Variants in ZCCHC7 observed in about 807,000 individuals in gnomAD.
ZCCHC7 encodes zinc finger CCHC domain-containing protein 7.
Under a neutral mutation model 52.0 loss-of-function variants are expected in ZCCHC7, and 35 were observed. The ratio of observed to expected loss-of-function variants is 0.67; its 90% CI spans 0.51 to 0.89. The LOEUF (loss-of-function observed/expected upper bound fraction) is 0.89. Among genes scored for constraint, ZCCHC7 ranks in the 40% least tolerant of loss-of-function variants. The pLI is 0.00. For missense variants in ZCCHC7, 574 were observed against 649.1 expected (o/e 0.88, Z 1.26); for synonymous variants, 217 against 221.5 (o/e 0.98, Z 0.18).
chr9:37,260,219 T>A (rs1367234612), intron 2 of ZCCHC7, among the ~76,000 whole-genome samples: 2 of 152,218 alleles, frequency 1.3e-5, no homozygotes, highest in Non-Finnish European at 2.9e-5. Context: ...ACTTTGGCTT[T>A]CCACTGTATA....
chr9:37,128,375 G>A (rs746754835), intron 2 of ZCCHC7, among the ~76,000 whole-genome samples: 1 of 152,146 alleles, frequency 6.6e-6, no homozygotes, highest in Non-Finnish European at 1.5e-5. Flanking sequence ...GAGAGGGCGG[G>A]GGATAATTGG....
At chr9:37,207,516 T>C (rs1426180293) in intron 2 of ZCCHC7, among the ~76,000 whole-genome samples, 1 of 99,304 alleles carries the variant, frequency 1.0e-5, no homozygotes, top group Non-Finnish European at 2.1e-5. Context: ...TTTTTTTTTT[T>C]GCCTTGTGTT....
intron 5 of ZCCHC7, among the ~76,000 whole-genome samples, chr9:37,307,503 C>CT (rs1829383521): frequency 6.6e-6 from 1 of 152,084 alleles, no homozygotes; most frequent in Non-Finnish European, 1.5e-5. Flanking sequence ...CTCTCATTCT[C>CT]TTTTTTAAAG....
intron 6 of ZCCHC7, among the ~76,000 whole-genome samples, chr9:37,329,286 G>A (rs1830364008): frequency 6.6e-6 from 1 of 151,598 alleles, no homozygotes; most frequent in African/African-American, 2.4e-5. Context: ...TATACCTATA[G>A]TTAAAGGGTA....
intron 2 of ZCCHC7, among the ~76,000 whole-genome samples, chr9:37,220,386 T>TA (rs1171079712): frequency 3.3e-5 from 5 of 151,862 alleles, no homozygotes. Flanking sequence ...ACCAAAAATA[T>TA]AAAAAATTAG....
At chr9:37,198,135 A>G (rs973883348) in intron 2 of ZCCHC7, among the ~76,000 whole-genome samples, 4 of 152,130 alleles carry the variant, frequency 2.6e-5, no homozygotes, top group African/African-American at 7.2e-5. Context: ...TACTTGTCCT[A>G]GAATCTGTGG....
chr9:37,236,829 C>T (rs1825675921), intron 2 of ZCCHC7, among the ~76,000 whole-genome samples: 2 of 152,178 alleles, frequency 1.3e-5, no homozygotes, highest in Non-Finnish European at 2.9e-5. Context: ...ATCATTTTAT[C>T]AGTTTCACTC....
chr9:37,194,664 T>C (rs1482177564), intron 2 of ZCCHC7, among the ~76,000 whole-genome samples: 1 of 152,214 alleles, frequency 6.6e-6, no homozygotes, highest in Non-Finnish European at 1.5e-5. Context: ...GTTGTCCTGG[T>C]TAACTTCAGG....
At chr9:37,196,652 GA>G in intron 2 of ZCCHC7, among the ~76,000 whole-genome samples, 1 of 152,078 alleles carries the variant, frequency 6.6e-6, no homozygotes, top group East Asian at 1.9e-4. Flanking sequence ...GTAGTAATCA[GA>G]TTTAGCAGAT....
At chr9:37,195,592 G>A (rs1173149994) in intron 2 of ZCCHC7, among the ~76,000 whole-genome samples, 1 of 152,126 alleles carries the variant, frequency 6.6e-6, no homozygotes, top group Non-Finnish European at 1.5e-5. Context: ...GAATCCTGGA[G>A]AATCTGGTAA....
At chr9:37,254,019 G>C (rs1044042904) in intron 2 of ZCCHC7, among the ~76,000 whole-genome samples, 27 of 151,762 alleles carry the variant, frequency 1.8e-4, no homozygotes, top group Non-Finnish European at 3.7e-4. Context: ...TATTATGTTA[G>C]TAATAGTAAT....
At chr9:37,205,467 C>T (rs1342619879) in intron 2 of ZCCHC7, 1 of 153,000 alleles carries the variant, frequency 6.5e-6, no homozygotes, top group Non-Finnish European at 1.5e-5. Context: ...TATTTCACAG[C>T]TTAGATGTGT....
At chr9:37,167,031 C>A (rs1472127587) in intron 2 of ZCCHC7, among the ~76,000 whole-genome samples, 4 of 152,036 alleles carry the variant, frequency 2.6e-5, no homozygotes, top group African/African-American at 4.8e-5. Context: ...TGGAAAATTT[C>A]AAAAAATTTC....
chr9:37,337,877 C>A (rs1190674911), intron 6 of ZCCHC7, among the ~76,000 whole-genome samples: 1 of 152,032 alleles, frequency 6.6e-6, no homozygotes, highest in East Asian at 1.9e-4. Context: ...AAGAAGGAAG[C>A]CTTTGCTAAC....
intron 5 of ZCCHC7, among the ~76,000 whole-genome samples, chr9:37,324,909 G>A (rs1173064376): frequency 6.6e-6 from 1 of 152,124 alleles, no homozygotes; most frequent in Non-Finnish European, 1.5e-5. Flanking sequence ...CTGCTGTCAG[G>A]GGCTGTTTAA....
chr9:37,266,642 G>A (rs1827118392), intron 2 of ZCCHC7, among the ~76,000 whole-genome samples: 1 of 152,160 alleles, frequency 6.6e-6, no homozygotes, highest in South Asian at 2.1e-4. Flanking sequence ...GGGAGGCTGA[G>A]GTGGGAGGAT....
Position 37,261,268 on chromosome 9 carries a change from T to G in ZCCHC7, c.611-40920T>G, listed in dbSNP as rs79235027. Among the ~76,000 whole-genome samples the G allele has an allele frequency of 2.0e-5, 3 of 152,226 alleles. No homozygotes were observed. The South Asian group carries it at 6.2e-4, about 32-fold the overall frequency. On this transcript the variant is annotated intron_variant, in intron 2 of 8. Transcript: ENST00000336755. ...TAGAGGAAGTTTCTCTAACTAAATG[T>G]CTTTTGTCCTCTGTAAAATGGACAA...
intron 7 of ZCCHC7, among the ~76,000 whole-genome samples, chr9:37,352,030 A>G (rs1445740784): frequency 2.0e-5 from 3 of 152,254 alleles, no homozygotes; most frequent in African/African-American, 7.2e-5. Flanking sequence ...TGGCTAATCC[A>G]GAATAGTAGA....
At chr9:37,177,308 C>G (rs1588432741) in intron 2 of ZCCHC7, among the ~76,000 whole-genome samples, 1 of 152,012 alleles carries the variant, frequency 6.6e-6, no homozygotes, top group East Asian at 1.9e-4. Context: ...GCATTCCAGC[C>G]TGGGTGACAG....
Sources: allele counts gnomAD v4.1 joint callset (sites outside exome capture counted in the v4.1 genomes callset), GRCh38; gene constraint gnomAD v4.1.1; transcripts MANE v1.5; gene names NCBI Gene and HGNC (gene_info 2026-07-23, HGNC 2026-07-21).